The following CAV1 variants were observed in gnomAD, a reference collection of about 807,000 sequenced individuals.
CAV1 encodes the protein caveolin 1.
In CAV1, 10 loss-of-function variants were observed where a neutral mutation model predicts 16.5. The ratio of observed to expected loss-of-function variants is 0.61; its 90% confidence interval spans 0.37 to 1.03. CAV1 has a LOEUF of 1.03. CAV1 is among the 50% of genes least tolerant of loss of function. The pLI, the probability that CAV1 is intolerant of heterozygous loss-of-function variation, is 0.01. For missense variants in CAV1, 212 were observed against 232.8 expected (o/e 0.91, Z 0.58); for synonymous variants, 76 against 85.1 (o/e 0.89, Z 0.59).
At chr7:116,536,681 C>T (rs1267323458) in intron 2 of CAV1, among the ~76,000 whole-genome samples, 2 of 152,138 alleles carry the variant, frequency 1.3e-5, no homozygotes, top group Non-Finnish European at 2.9e-5. Flanking sequence ...TAGGCCACAG[C>T]GACCCACAGA....
Position 116,526,558 on chromosome 7 carries a change from G to A in CAV1, c.64G>A (p.Gly22Ser). 1 of 1,614,130 alleles carries A rather than the reference G, an allele frequency of 6.2e-7. No homozygotes were observed. Among genetic ancestry groups the A allele is most frequent in the Non-Finnish European group, 8.5e-7 (1 of 1,180,042 alleles). Residue 22 changes from glycine (G) to serine (S), a missense_variant, in exon 2 of 3, where the codon GGC becomes AGC. Transcript: ENST00000341049. ...CTACACCGTTCCCATCCGGGAACAG[G>A]GCAACATCTACAAGCCCAACAACAA... ...HLYTVPIREQ[G>S]NIYKPNNKAM...
chr7:116,558,334 T>G (rs893553504), intron 2 of CAV1, among the ~76,000 whole-genome samples: 8 of 152,216 alleles, frequency 5.3e-5, no homozygotes, highest in African/African-American at 1.7e-4. Context: ...CACATCCATT[T>G]GGTTTTCTCT....
chr7:116,536,847 C>CA (rs1388416663), intron 2 of CAV1, among the ~76,000 whole-genome samples: 1 of 150,620 alleles, frequency 6.6e-6, no homozygotes, highest in Non-Finnish European at 1.5e-5. Flanking sequence ...ACTAAAAATA[C>CA]AAAAAATTAG....
intron 2 of CAV1, among the ~76,000 whole-genome samples, chr7:116,556,842 C>T (rs1794304347): frequency 6.6e-6 from 1 of 152,090 alleles, no homozygotes; most frequent in South Asian, 2.1e-4. Flanking sequence ...ATCTTTTGAC[C>T]CCAGATTAAG....
chr7:116,533,991 C>T (rs4730749), intron 2 of CAV1, among the ~76,000 whole-genome samples: 117,569 of 151,854 alleles, frequency 0.77, 46,756 homozygotes, highest in East Asian at 0.95. Flanking sequence ...CCAAGGCAGG[C>T]GGATCAACTG....
chr7:116,540,624 G>A (rs896850985), intron 2 of CAV1, among the ~76,000 whole-genome samples: 2 of 152,032 alleles, frequency 1.3e-5, no homozygotes, highest in African/African-American at 4.8e-5. Flanking sequence ...CAAGTTAAGA[G>A]GACTCTCAAC....
At chr7:116,548,262 C>T (rs1288692504) in intron 2 of CAV1, among the ~76,000 whole-genome samples, 1 of 152,134 alleles carries the variant, frequency 6.6e-6, no homozygotes, top group East Asian at 1.9e-4. Context: ...ATGGGAACCA[C>T]TGACACTAAA....
In CAV1 at chr7:116,560,141, T is replaced by C. The variant is rs1794378604; in HGVS notation, c.*854T>C. 3.5e-6 allele frequency: 1 copy of C among 286,520 alleles called. No individual in the cohort carries two copies. The highest frequency in any genetic ancestry group is 6.4e-6 in the Non-Finnish European group (1 of 155,050). 17.7% of individuals were successfully genotyped at this position (286,520 alleles called of 1,614,324 possible). On this transcript the variant is annotated 3_prime_UTR_variant, in exon 3 of 3. Coordinates refer to ENST00000341049, the MANE Select transcript of CAV1 (RefSeq NM_001753.5). ...GCAACATCTTTATCCGTAGTGGGTA[T>C]GGTTGACACTAGCCCAATGAAATGA... is the stretch of plus-strand genomic sequence containing the variant.
intron 2 of CAV1, among the ~76,000 whole-genome samples, chr7:116,530,849 A>G (rs1009105488): frequency 6.6e-6 from 1 of 152,208 alleles, no homozygotes; most frequent in African/African-American, 2.4e-5. Flanking sequence ...AATGACTGCA[A>G]GCATCGGTGT....
chr7:116,551,403 A>G (rs533857342), intron 2 of CAV1, among the ~76,000 whole-genome samples: 2 of 152,350 alleles, frequency 1.3e-5, no homozygotes, highest in African/African-American at 4.8e-5. Context: ...TCTATAGCCT[A>G]AATTTTTTCT....
At chr7:116,534,889 T>C (rs1793775830) in intron 2 of CAV1, among the ~76,000 whole-genome samples, 1 of 152,028 alleles carries the variant, frequency 6.6e-6, no homozygotes, top group Non-Finnish European at 1.5e-5. Flanking sequence ...CACAGCAAAG[T>C]TGTAGATGTT....
At chr7:116,553,201 A>C (rs1220902223) in intron 2 of CAV1, among the ~76,000 whole-genome samples, 1 of 152,168 alleles carries the variant, frequency 6.6e-6, no homozygotes, top group Non-Finnish European at 1.5e-5. Context: ...TCCTGTGCAC[A>C]TGTAAACTGT....
At chr7:116,555,886 C>A (rs112331440) in intron 2 of CAV1, among the ~76,000 whole-genome samples, 240 of 152,236 alleles carry the variant, frequency 1.6e-3, no homozygotes, top group African/African-American at 5.0e-3. Context: ...GTTTCTTTAA[C>A]CTGCCTTGCT....
intron 2 of CAV1, among the ~76,000 whole-genome samples, chr7:116,557,538 G>A (rs1794314800): frequency 6.6e-6 from 1 of 152,076 alleles, no homozygotes; most frequent in South Asian, 2.1e-4. Context: ...CTTCAGTGTA[G>A]TTTATATAAA....
At chr7:116,558,574 T>C in intron 2 of CAV1, among the ~76,000 whole-genome samples, 1 of 143,682 alleles carries the variant, frequency 7.0e-6, no homozygotes, top group Non-Finnish European at 1.5e-5. Context: ...ATCGTGAGAC[T>C]CCATCTCTTA....
At chr7:116,555,574 AAG>A (rs1331760110) in intron 2 of CAV1, among the ~76,000 whole-genome samples, 1 of 97,356 alleles carries the variant, frequency 1.0e-5, no homozygotes, top group African/African-American at 4.4e-5. Context: ...GAAAGAAAGA[AAG>A]AAAGAAAGAA....
At chr7:116,547,956 A>G (rs1794087748) in intron 2 of CAV1, among the ~76,000 whole-genome samples, 1 of 152,252 alleles carries the variant, frequency 6.6e-6, no homozygotes, top group Non-Finnish European at 1.5e-5. Flanking sequence ...CCTCCATGCT[A>G]TTAACCAGGA....
At chr7:116,538,933 C>G (rs1469010017) in intron 2 of CAV1, among the ~76,000 whole-genome samples, 1 of 152,148 alleles carries the variant, frequency 6.6e-6, no homozygotes, top group African/African-American at 2.4e-5. Flanking sequence ...ACCACAAGAA[C>G]AGTATGGGGG....
intron 2 of CAV1, among the ~76,000 whole-genome samples, chr7:116,527,705 G>C (rs1793596724): frequency 1.3e-5 from 2 of 152,120 alleles, no homozygotes; most frequent in South Asian, 4.2e-4. Context: ...ACTGCAGTGT[G>C]AAGATCTACT....
Sources: gnomAD v4.1 joint callset for allele counts (sites outside exome capture counted in the v4.1 genomes callset) on GRCh38, gnomAD v4.1.1 for gene constraint, MANE v1.5 for transcripts, NCBI Gene and HGNC (gene_info 2026-07-23, HGNC 2026-07-21) for gene names.